Variants in KIF21A observed in about 807,000 individuals in gnomAD.
KIF21A encodes kinesin family member 21A.
A neutral mutation model predicts 202.9 loss-of-function variants in KIF21A; 114 were observed. That is an observed-to-expected ratio of 0.56 (90% CI 0.48 to 0.66). The LOEUF is 0.66. Ranked by LOEUF, KIF21A falls within the 30% of genes least tolerant of loss-of-function variation. The pLI, the probability that KIF21A is intolerant of heterozygous loss-of-function variation, is 0.00. For synonymous variants in KIF21A, 667 were observed against 670.8 expected (o/e 0.99, Z 0.09); for missense variants, 1,677 against 1,994.9 (o/e 0.84, Z 3.04).
chr12:39,419,846 T>C (rs539321287), intron 1 of KIF21A, among the ~76,000 whole-genome samples: 1 of 152,144 alleles, frequency 6.6e-6, no homozygotes, highest in East Asian at 1.9e-4. Context: ...TTTCAGAAAT[T>C]GAAGACCTAA....
chr12:39,351,343 G>A (rs1948359330), intron 11 of KIF21A, among the ~76,000 whole-genome samples: 1 of 151,948 alleles, frequency 6.6e-6, no homozygotes, highest in South Asian at 2.1e-4. Context: ...ACATTCTGAT[G>A]GATTAGTTTA....
intron 1 of KIF21A, among the ~76,000 whole-genome samples, chr12:39,426,881 TAAAA>T (rs10718392): frequency 7.5e-6 from 1 of 133,002 alleles, no homozygotes; most frequent in Non-Finnish European, 1.6e-5. Flanking sequence ...GAGACTCTGT[TAAAA>T]AAAAAAAAAA....
chr12:39,322,906 G>GT, intron 26 of KIF21A, 24 bp from the exon 27 acceptor site: 1 of 1,453,988 alleles, frequency 6.9e-7, no homozygotes, highest in Non-Finnish European at 9.2e-7. Context: ...GGAAGGAAAA[G>GT]CAATCAGGAG....
intron 1 of KIF21A, among the ~76,000 whole-genome samples, chr12:39,377,337 C>A (rs1432604971): frequency 6.6e-6 from 1 of 152,126 alleles, no homozygotes; most frequent in Non-Finnish European, 1.5e-5. Context: ...TTATTTCTTA[C>A]TAAATTCCTT....
intron 12 of KIF21A, among the ~76,000 whole-genome samples, chr12:39,343,733 T>C (rs1207425423): frequency 6.6e-6 from 1 of 152,230 alleles, no homozygotes; most frequent in Admixed American, 6.5e-5. Flanking sequence ...ATTATTTATT[T>C]AGTGTCTGTA....
chr12:39,307,645 G>T lies in KIF21A; in HGVS notation c.4362C>A (p.Ile1454=). The T allele has an allele frequency of 6.2e-7, 1 of 1,613,970 alleles. No homozygotes were observed. The change falls in exon 34 of 38, where the codon ATC becomes ATA. Residue 1454 remains isoleucine, a synonymous_variant. Transcript: ENST00000361418. ...CAGTTGGGTTTAGGGCAATTTGATT[G>T]ATCTGGTTCTCTCCAGAAGGAATAG... ...TVAIPSGENQ[I]NQIALNPTGT... is the part of the protein sequence containing the mutation.
Position 39,430,337 on chromosome 12 carries a change from G to A in KIF21A, c.44+12590C>T, listed in dbSNP as rs1937689095. 2.6e-5 allele frequency among the ~76,000 whole-genome samples: 4 copies of A among 152,006 alleles called. No individual in the cohort carries two copies. In the South Asian group the frequency reaches 8.3e-4, roughly 32 times the overall value. Reference sequence around the variant, plus strand: ...TGCCAACACTTTGGGAGGCCGAGGTGGGCGGATCACCTGAGGTCAAGAGTT... The same window carrying A: ...TGCCAACACTTTGGGAGGCCGAGGTAGGCGGATCACCTGAGGTCAAGAGTT... On this transcript the variant is annotated intron_variant, in intron 1 of 37. Coordinates refer to ENST00000361418, the MANE Select transcript of KIF21A (RefSeq NM_001173464.2).
intron 1 of KIF21A, among the ~76,000 whole-genome samples, chr12:39,386,089 T>G (rs1034159409): frequency 2.0e-5 from 3 of 152,182 alleles, no homozygotes; most frequent in Non-Finnish European, 4.4e-5. Flanking sequence ...CTAATGGTAC[T>G]CCAAAATCCA....
In KIF21A at chr12:39,322,703, A is replaced by T. The variant is rs1945414176; in HGVS notation, c.3636T>A (p.Ser1212=). The change falls in exon 27 of 38, where the codon TCT becomes TCA. Residue 1212 remains serine (S), a synonymous_variant. Coordinates refer to ENST00000361418, the MANE Select transcript of KIF21A (RefSeq NM_001173464.2). ...SGTSAREKEL[S]PPPGLPSKIG... is the part of the protein sequence containing the mutation. Reference sequence around the variant, plus strand: ...TCTTAGAAGGTAAGCCAGGTGGGGGAGAGAGCTCTTTTTCCCTAGCAGAAG... The same window carrying T: ...TCTTAGAAGGTAAGCCAGGTGGGGGTGAGAGCTCTTTTTCCCTAGCAGAAG... 1 of 1,613,856 alleles carries T rather than the reference A, an allele frequency of 6.2e-7. No homozygotes were observed. Among genetic ancestry groups the T allele is most frequent in the Admixed American group, 1.7e-5 (1 of 59,972 alleles).
intron 1 of KIF21A, among the ~76,000 whole-genome samples, chr12:39,441,164 A>AAAAG (rs1366259491): frequency 3.9e-5 from 6 of 152,180 alleles, no homozygotes; most frequent in Non-Finnish European, 7.4e-5. Flanking sequence ...CAAAAATCAA[A>AAAAG]CCCACATTCA....
chr12:39,389,179 T>TACACACACAC (rs10632410), intron 1 of KIF21A, among the ~76,000 whole-genome samples: 1,657 of 142,146 alleles, frequency 0.012, 29 homozygotes, highest in African/African-American at 0.039. Context: ...TAAATACACA[T>TACACACACAC]ACACACACAC....
rs370604425 is a variant in KIF21A at position 39,351,989 on chromosome 12, T to C, written c.1470-9A>G. The C allele has an allele frequency of 1.3e-6, 2 of 1,593,556 alleles. No individual in the cohort carries two copies. Among genetic ancestry groups the C allele is most frequent in the Non-Finnish European group, 1.7e-6 (2 of 1,161,854 alleles). On this transcript the variant is annotated splice_polypyrimidine_tract_variant and intron_variant, in intron 10 of 37. Transcript: ENST00000361418. ...TTTCTAATAATTTTGCCCTAGCAAA[T>C]AAAAATATATTTAAATAGGGAGCAT...
intron 24 of KIF21A, 85 bp downstream of exon 24, chr12:39,330,157 A>C (rs1378284142): frequency 1.3e-5 from 17 of 1,322,000 alleles, no homozygotes; most frequent in Non-Finnish European, 1.7e-5. Flanking sequence ...AAAAATCTTT[A>C]AAATAAGATG....
chr12:39,367,757 G>A, intron 4 of KIF21A, 126 bp downstream of exon 4: 1 of 734,942 alleles, frequency 1.4e-6, no homozygotes, highest in Non-Finnish European at 2.3e-6. Flanking sequence ...AAGAACACAA[G>A]ATCTTAATTC....
chr12:39,314,566 C>T (rs1209774620), intron 31 of KIF21A, among the ~76,000 whole-genome samples: 1 of 151,862 alleles, frequency 6.6e-6, no homozygotes, highest in Non-Finnish European at 1.5e-5. Context: ...TTCATGTTAA[C>T]AGCCTAAGAG....
chr12:39,379,067 C>T (rs1950443120), intron 1 of KIF21A, among the ~76,000 whole-genome samples: 1 of 152,126 alleles, frequency 6.6e-6, no homozygotes, highest in Non-Finnish European at 1.5e-5. Flanking sequence ...TGTGGTGATT[C>T]ATGCCTGTAA....
intron 1 of KIF21A, among the ~76,000 whole-genome samples, chr12:39,416,893 GTA>G (rs200247223): frequency 2.7e-5 from 4 of 146,150 alleles, no homozygotes; most frequent in East Asian, 2.0e-4. Context: ...ATATATATGT[GTA>G]TATATATATG....
intron 1 of KIF21A, among the ~76,000 whole-genome samples, chr12:39,376,749 A>T (rs1362207653): frequency 6.6e-6 from 1 of 152,148 alleles, no homozygotes; most frequent in African/African-American, 2.4e-5. Flanking sequence ...TTTTAAATGC[A>T]TGTGGTTTTT....
At position 39,357,266 on chromosome 12, in the gene KIF21A, G is replaced by T. The variant is rs1471332590; in HGVS notation, c.1387C>A (p.His463Asn). Residue 463 changes from histidine to asparagine, a missense_variant, in exon 9 of 38, where the codon CAT becomes AAT. Around this residue, in one of 3 missense-constraint regions of KIF21A, gnomAD observed 966 missense variants for 1,180.9 expected, o/e 0.82. Coordinates refer to ENST00000361418, the MANE Select transcript of KIF21A (RefSeq NM_001173464.2). ...ITQLVSDQANHVLARAGEGNE... is the reference protein window; with the variant it reads ...ITQLVSDQANNVLARAGEGNE... Reference sequence around the variant, plus strand: ...CACATACCTGCTCTGGCAAGAACATGGTTGGCCTGATCACTAACAAGCTGT... The same window carrying T: ...CACATACCTGCTCTGGCAAGAACATTGTTGGCCTGATCACTAACAAGCTGT... 6.2e-7 allele frequency: 1 copy of T among 1,614,084 alleles called. No individual in the cohort carries two copies. Among genetic ancestry groups the T allele is most frequent in the Admixed American group, 1.7e-5 (1 of 60,032 alleles).
Sources: allele counts gnomAD v4.1 joint callset (sites outside exome capture counted in the v4.1 genomes callset), GRCh38; gene constraint gnomAD v4.1.1; regional missense constraint gnomAD v4.1.1; transcripts MANE v1.5; gene names NCBI Gene and HGNC (gene_info 2026-07-23, HGNC 2026-07-21).